The following PCTP variants were observed in gnomAD, a reference collection of about 807,000 sequenced individuals.
PCTP encodes phosphatidylcholine transfer protein.
Under a neutral mutation model 31.0 loss-of-function variants are expected in PCTP, and 27 were observed. The observed-to-expected ratio is 0.87, with a 90% CI of 0.64 to 1.20. PCTP has a LOEUF of 1.20. Among genes scored for constraint, PCTP ranks in the 50% most tolerant of loss-of-function variants. PCTP has a pLI of 0.00. For missense variants in PCTP, 287 were observed against 268.2 expected, an observed-to-expected ratio of 1.07 and a Z score of -0.49; for synonymous variants, 108 against 101.2, an observed-to-expected ratio of 1.07 and a Z score of -0.40.
intron 3 of PCTP, among the ~76,000 whole-genome samples, chr17:55,801,529 G>A (rs1197097510): frequency 1.3e-5 from 2 of 152,164 alleles, no homozygotes; most frequent in Non-Finnish European, 2.9e-5. Flanking sequence ...AGACCACAGT[G>A]CAATCAAATT....
At chr17:55,751,936 G>A (rs1486997969) in intron 1 of PCTP, among the ~76,000 whole-genome samples, 3 of 152,212 alleles carry the variant, frequency 2.0e-5, no homozygotes, top group Admixed American at 2.0e-4. Flanking sequence ...TGTAATAGTC[G>A]CAGCATGGCA....
At chr17:55,772,595 A>C (rs551627644) in intron 3 of PCTP, among the ~76,000 whole-genome samples, 3 of 151,764 alleles carry the variant, frequency 2.0e-5, no homozygotes, top group South Asian at 2.1e-4. Context: ...AAAAAAAAAA[A>C]AGACACTGAG....
At chr17:55,809,791 G>T (rs1912691375) in intron 3 of PCTP, among the ~76,000 whole-genome samples, 1 of 152,178 alleles carries the variant, frequency 6.6e-6, no homozygotes, top group South Asian at 2.1e-4. Flanking sequence ...AAAATGCTGG[G>T]ATTACAGGCA....
intron 3 of PCTP, among the ~76,000 whole-genome samples, chr17:55,805,918 T>TGTGTGTGTGTGTGTGTG (rs1567726531): frequency 2.1e-4 from 23 of 108,908 alleles, no homozygotes; most frequent in African/African-American, 6.6e-4. Flanking sequence ...GTGTGTGTGT[T>TGTGTGTGTGTGTGTGTG]TGACTTTAGA....
chr17:55,763,884 A>G (rs1327385028), intron 1 of PCTP, among the ~76,000 whole-genome samples: 2 of 152,198 alleles, frequency 1.3e-5, no homozygotes, highest in African/African-American at 2.4e-5. Context: ...CAGGCTGTTC[A>G]GCGCTTGGAC....
At chr17:55,795,331 T>C (rs1461994547) in intron 3 of PCTP, among the ~76,000 whole-genome samples, 1 of 152,006 alleles carries the variant, frequency 6.6e-6, no homozygotes, top group East Asian at 1.9e-4. Flanking sequence ...GAAAAATACT[T>C]GAGTATCAGT....
chr17:55,812,853 C>T (rs1327947125), intron 3 of PCTP, among the ~76,000 whole-genome samples: 2 of 152,202 alleles, frequency 1.3e-5, no homozygotes, highest in South Asian at 2.1e-4. Context: ...CCCTGTCACT[C>T]AGAGATGAGA....
intron 1 of PCTP, among the ~76,000 whole-genome samples, chr17:55,767,055 G>A (rs1445660026): frequency 1.3e-5 from 2 of 152,186 alleles, no homozygotes; most frequent in East Asian, 3.8e-4. Context: ...CTGCATAAAT[G>A]TCTTCTTTTG....
At chr17:55,779,065 A>T (rs1019588991), downstream of PCTP, among the ~76,000 whole-genome samples, 1 of 152,122 alleles carries the variant, frequency 6.6e-6, no homozygotes, top group Non-Finnish European at 1.5e-5. Context: ...GAAGAGCCCC[A>T]TTCAGTTCTC....
chr17:55,786,233 C>T (rs910611738), intron 2 of PCTP, among the ~76,000 whole-genome samples: 1 of 152,162 alleles, frequency 6.6e-6, no homozygotes, highest in African/African-American at 2.4e-5. Flanking sequence ...TTGCAGTGAG[C>T]CAAGATCACC....
At chr17:55,819,243 A>G (rs1299085648) in intron 3 of PCTP, among the ~76,000 whole-genome samples, 1 of 152,140 alleles carries the variant, frequency 6.6e-6, no homozygotes. Context: ...AAGATCAGAA[A>G]TAAGACCAAG....
downstream of PCTP, among the ~76,000 whole-genome samples, chr17:55,779,129 G>A (rs541752572): frequency 1.1e-4 from 17 of 152,256 alleles, no homozygotes; most frequent in African/African-American, 3.4e-4. Context: ...TAAATGCATC[G>A]AGACATTTAG....
chr17:55,815,819 G>GT (rs748720654), intron 3 of PCTP, among the ~76,000 whole-genome samples: 33 of 152,236 alleles, frequency 2.2e-4, no homozygotes, highest in Non-Finnish European at 3.4e-4. Flanking sequence ...CTTATCATGA[G>GT]TTTTTTATTT....
At chr17:55,842,585 G>A (rs1906018965) in intron 5 of PCTP, 1 of 152,188 alleles carries the variant, frequency 6.6e-6, no homozygotes, top group Admixed American at 6.5e-5. Flanking sequence ...TCAGCTTGGA[G>A]GCGTGAAGAA....
intron 1 of PCTP, among the ~76,000 whole-genome samples, chr17:55,758,443 AG>A (rs1910161869): frequency 6.6e-6 from 1 of 152,234 alleles, no homozygotes; most frequent in Admixed American, 6.5e-5. Flanking sequence ...TCACAGGAGA[AG>A]AGATTTCACT....
chr17:55,767,765 C>CTTTTTTTTTTT (rs10634278), intron 2 of PCTP, among the ~76,000 whole-genome samples: 2 of 103,492 alleles, frequency 1.9e-5, no homozygotes, highest in South Asian at 3.5e-4. Flanking sequence ...GCACCCAGTG[C>CTTTTTTTTTTT]TTTTTTTTTT....
chr17:55,786,152 C>G (rs898385375), intron 2 of PCTP, among the ~76,000 whole-genome samples: 3 of 151,112 alleles, frequency 2.0e-5, no homozygotes, highest in Admixed American at 2.0e-4. Context: ...GGCGTGGTGG[C>G]GCAGGCCTGT....
intron 2 of PCTP, among the ~76,000 whole-genome samples, chr17:55,767,954 A>T (rs1455696643): frequency 6.6e-6 from 1 of 151,670 alleles, no homozygotes; most frequent in African/African-American, 2.4e-5. Flanking sequence ...TTAGCTGGGC[A>T]TGGTGGCGCA....
chr17:55,796,378 AGAG>A lies in PCTP; in HGVS notation c.317+8728_317+8730del, dbSNP rs570731580. Among the ~76,000 whole-genome samples, 16 of 152,120 alleles carry A rather than the reference AGAG, an allele frequency of 1.1e-4. No homozygotes were observed. The South Asian group carries it at 3.3e-3, about 32-fold the overall frequency. ...ATTTACCATCTGGTGGAGATGAAAGAGAGGAGATGACAAGTTGGTGTAAATTTG... is the reference window on the plus strand; with the variant it reads ...ATTTACCATCTGGTGGAGATGAAAGAGAGATGACAAGTTGGTGTAAATTTG... On this transcript the variant is annotated intron_variant, in intron 3 of 3. Transcript: ENST00000572536.
Sources: allele counts gnomAD v4.1 joint callset (sites outside exome capture counted in the v4.1 genomes callset), GRCh38; gene constraint gnomAD v4.1.1; transcripts MANE v1.5; gene names NCBI Gene and HGNC (gene_info 2026-07-23, HGNC 2026-07-21).